Variants in KDM4A observed in about 807,000 individuals in gnomAD.
KDM4A encodes the protein lysine-specific demethylase 4A.
Under a neutral mutation model 127.1 loss-of-function variants are expected in KDM4A, and 23 were observed. The ratio of observed to expected loss-of-function variants is 0.18; its 90% CI spans 0.13 to 0.26. The LOEUF (loss-of-function observed/expected upper bound fraction) is 0.26, where lower values mean the gene tolerates loss of function less well. Among genes scored for constraint, KDM4A ranks in the 10% least tolerant of loss-of-function variants. The pLI, the probability that KDM4A is intolerant of heterozygous loss-of-function variation, is 1.00. For missense variants in KDM4A, 890 were observed against 1,329.1 expected (o/e 0.67, Z 5.14); for synonymous variants, 443 against 466.5 (o/e 0.95, Z 0.65).
chr1:43,655,711 A>C lies in KDM4A; in HGVS notation c.259A>C (p.Ile87Leu). 6.2e-7 allele frequency: 1 copy of C among 1,613,982 alleles called. No homozygotes were observed. Among genetic ancestry groups the C allele is most frequent in the Non-Finnish European group, 8.5e-7 (1 of 1,179,934 alleles). Residue 87 changes from isoleucine to leucine, a missense_variant, in exon 3 of 22, where the codon ATA becomes CTA. This residue lies in a region of KDM4A where 29 missense variants were observed against 64.3 expected (regional missense o/e 0.45). Transcript: ENST00000372396. ...GTCTGGCCTCTTTACTCAGTACAACATACAGAAGAAAGCCATGACTGTTCG... is the reference window on the plus strand; with the variant it reads ...GTCTGGCCTCTTTACTCAGTACAACCTACAGAAGAAAGCCATGACTGTTCG... ...GQSGLFTQYN[I>L]QKKAMTVREF...
At chr1:43,701,398 C>T (rs191577541) in intron 19 of KDM4A, among the ~76,000 whole-genome samples, 7 of 151,956 alleles carry the variant, frequency 4.6e-5, no homozygotes, top group Admixed American at 2.6e-4. Flanking sequence ...ACATGACAGG[C>T]GTTCACTTCA....
At chr1:43,690,026 C>T (rs1271949461) in intron 13 of KDM4A, among the ~76,000 whole-genome samples, 7 of 152,226 alleles carry the variant, frequency 4.6e-5, no homozygotes, top group African/African-American at 1.7e-4. Context: ...TTCTGGGCCT[C>T]ATCCTTGGAA....
intron 19 of KDM4A, among the ~76,000 whole-genome samples, chr1:43,700,796 A>T (rs1661369461): frequency 1.3e-5 from 2 of 152,084 alleles, no homozygotes; most frequent in South Asian, 4.1e-4. Context: ...ACTAAAACCC[A>T]TTGGTCTCTT....
intron 8 of KDM4A, 96 bp from the exon 9 acceptor site, chr1:43,667,676 C>G (rs1660529450): frequency 6.7e-7 from 1 of 1,498,660 alleles, no homozygotes; most frequent in Non-Finnish European, 9.2e-7. Flanking sequence ...AACCATCTTG[C>G]ACTTGTTTCC....
At chr1:43,665,877 A>T in intron 6 of KDM4A, 132 bp downstream of exon 6, 1 of 849,204 alleles carries the variant, frequency 1.2e-6, no homozygotes, top group Non-Finnish European at 2.0e-6. Flanking sequence ...GGGGTGAGCC[A>T]CACTGGTTAC....
chr1:43,686,037 ATTATC>A (rs1236911175), intron 12 of KDM4A, among the ~76,000 whole-genome samples: 1 of 151,610 alleles, frequency 6.6e-6, no homozygotes, highest in Non-Finnish European at 1.5e-5. Context: ...ATATTAACAT[ATTATC>A]TTCCTGGCTT....
At chr1:43,689,705 G>A (rs1413453739) in intron 13 of KDM4A, among the ~76,000 whole-genome samples, 1 of 152,208 alleles carries the variant, frequency 6.6e-6, no homozygotes, top group Non-Finnish European at 1.5e-5. Context: ...CACAGCAGCA[G>A]GTGCCAAGGG....
intron 19 of KDM4A, 104 bp from the exon 20 acceptor site, chr1:43,703,512 TA>T (rs1355699486): frequency 9.7e-6 from 14 of 1,446,542 alleles, no homozygotes; most frequent in Middle Eastern, 2.5e-4. Flanking sequence ...CCTTGCTCTC[TA>T]AAACAGTTAC....
In KDM4A at chr1:43,693,382, C is replaced by T. The variant is rs1661168354; in HGVS notation, c.2376-612C>T. 1.3e-5 allele frequency among the ~76,000 whole-genome samples: 2 copies of T among 152,214 alleles called. No individual in the cohort carries two copies. The highest frequency in any genetic ancestry group is 1.3e-4 in the Admixed American group (2 of 15,288). On this transcript the variant is annotated intron_variant, in intron 16 of 21. Transcript: ENST00000372396. This position sits in a 1 kb window ranked among gnomAD's most constrained non-coding sequence, Gnocchi z 4.2. Reference sequence around the variant, plus strand: ...GAGTTGTCACCATTTTCGTTCTTCTCCTCTTGATGCATGCTGGTTTCCCAA... The same window carrying T: ...GAGTTGTCACCATTTTCGTTCTTCTTCTCTTGATGCATGCTGGTTTCCCAA...
rs1387622526 is a variant in KDM4A at position 43,697,942 on chromosome 1, A to G, written c.2770A>G (p.Thr924Ala). ...FYQCEVVRLT[T>A]ETFYEVNFDD... ...CCAGTGTGAAGTGGTCAGGCTCACC[A>G]CCGAGACCTTCTATGAAGTCAACTT... The change falls in exon 19 of 22, where the codon ACC becomes GCC. Residue 924 changes from threonine to alanine, a missense_variant. Thr to Ala is a moderately conservative substitution (Grantham distance 58, BLOSUM62 0). Around this residue, in one of 7 missense-constraint regions of KDM4A, gnomAD observed 246 missense variants for 418.4 expected, o/e 0.59. Coordinates refer to ENST00000372396, the MANE Select transcript of KDM4A (RefSeq NM_014663.3). 4 of 1,613,910 alleles carry G rather than the reference A, an allele frequency of 2.5e-6. No individual in the cohort carries two copies. The African/African-American group carries it at 5.3e-5, about 22-fold the overall frequency.
At chr1:43,683,901 G>T in intron 12 of KDM4A, 97 bp downstream of exon 12, 1 of 1,398,270 alleles carries the variant, frequency 7.2e-7, no homozygotes, top group Non-Finnish European at 9.8e-7. Context: ...GATAAGGGTG[G>T]GCCTGTGGCT....
Position 43,703,773 on chromosome 1 carries a change from G to A in KDM4A, c.2961+37G>A, listed in dbSNP as rs767536781. ...TCTACCTTTCTAGGGAGTGGGGGGT[G>A]CTTGATTAATTCTGTGCTTCCTGTT... On this transcript the variant is annotated intron_variant, in intron 20 of 21. Transcript: ENST00000372396. 4.3e-6 allele frequency: 7 copies of A among 1,612,218 alleles called. No homozygotes were observed. In the Admixed American group the frequency reaches 5.0e-5, roughly 12 times the overall value.
intron 11 of KDM4A, among the ~76,000 whole-genome samples, chr1:43,673,151 G>T (rs1660665367): frequency 6.6e-6 from 1 of 152,074 alleles, no homozygotes; most frequent in South Asian, 2.1e-4. Flanking sequence ...AGTCATGTCA[G>T]ATGCCACTGG....
chr1:43,698,950 G>A (rs900451616), intron 19 of KDM4A, among the ~76,000 whole-genome samples: 6 of 152,006 alleles, frequency 3.9e-5, no homozygotes, highest in Admixed American at 1.3e-4. Context: ...CACCACAGCC[G>A]GCTAATTTTT....
At position 43,668,109 on chromosome 1, in the gene KDM4A, TTTG is replaced by T. The variant is rs1570831096; in HGVS notation, c.1163+93_1163+95del. 10 of 1,502,600 alleles carry T rather than the reference TTTG, an allele frequency of 6.7e-6. No individual in the cohort carries two copies. In the East Asian group the frequency reaches 1.8e-4, roughly 27 times the overall value. 93.1% of individuals were successfully genotyped at this position (1,502,600 alleles called of 1,614,324 possible). A position where few individuals can be genotyped will look rare whatever the true frequency, so the allele number is the denominator to read the frequency against. On this transcript the variant is annotated intron_variant, in intron 9 of 21. Transcript: ENST00000372396. ...TGTGGAGAGGCTGTTTCTTGTTTTT[TTTG>T]TTTTGTTTTGTTTTTGTTTTTGTTT... is the stretch of plus-strand genomic sequence containing the variant.
rs1661496433 is a variant in KDM4A, at chr1:43,704,463, A to C, written c.*93A>C. On this transcript the variant is annotated 3_prime_UTR_variant, in exon 22 of 22. Coordinates refer to ENST00000372396, the MANE Select transcript of KDM4A (RefSeq NM_014663.3). ...GACATGGAACGCTGAAGTCTCTGAA[A>C]GTGAAGTTGTAAAAAGAAAAGGAAT... 1 of 1,306,324 alleles carries C rather than the reference A, an allele frequency of 7.7e-7. No homozygotes were observed. The highest frequency in any genetic ancestry group is 1.1e-6 in the Non-Finnish European group (1 of 939,602). 80.9% of individuals were successfully genotyped at this position (1,306,324 alleles called of 1,614,324 possible).
rs148554129 is a variant in KDM4A at position 43,689,978 on chromosome 1, G to T, written c.2038-867G>T. 2.6e-3 allele frequency among the ~76,000 whole-genome samples: 403 copies of T among 152,354 alleles called. 1 individual carries two copies. The highest frequency in any genetic ancestry group is 9.4e-3 in the African/African-American group (392 of 41,574). ...TACTATAAGCAGATCTACTAAGTAG[G>T]AGTTTCACAAATGGCATAGGCTCTG... is the stretch of plus-strand genomic sequence containing the variant. On this transcript the variant is annotated intron_variant, in intron 13 of 21. Transcript: ENST00000372396.
chr1:43,682,851 A>G (rs1441142793), intron 11 of KDM4A, among the ~76,000 whole-genome samples: 2 of 152,190 alleles, frequency 1.3e-5, no homozygotes, highest in East Asian at 1.9e-4. Flanking sequence ...TCACAGTTGC[A>G]AAGTGGCCCT....
At chr1:43,692,016 T>C (rs1661125279) in intron 15 of KDM4A, among the ~76,000 whole-genome samples, 2 of 152,230 alleles carry the variant, frequency 1.3e-5, no homozygotes, top group African/African-American at 2.4e-5. Context: ...AGAGTTGTTA[T>C]TAGCAGCAAC....
Sources: allele counts gnomAD v4.1 joint callset (sites outside exome capture counted in the v4.1 genomes callset), GRCh38; gene constraint gnomAD v4.1.1; regional missense constraint gnomAD v4.1.1; non-coding constraint Gnocchi (gnomAD v3.1); transcripts MANE v1.5; gene names NCBI Gene and HGNC (gene_info 2026-07-23, HGNC 2026-07-21).